Variants in EIPR1 observed in about 807,000 individuals in gnomAD.
EIPR1 encodes EARP complex and GARP complex interacting protein 1, also known as EARP and GARP complex-interacting protein 1.
In EIPR1, 25 loss-of-function variants were observed where a neutral mutation model predicts 48.1. That is an observed-to-expected ratio of 0.52 (90% confidence interval 0.38 to 0.73). The LOEUF (loss-of-function observed/expected upper bound fraction) is 0.73. EIPR1 is among the 30% of genes least tolerant of loss of function. The pLI is 0.00. For synonymous variants in EIPR1, 204 were observed against 201.9 expected (o/e 1.01, Z -0.09); for missense variants, 415 against 506.2 (o/e 0.82, Z 1.73).
intron 3 of EIPR1, among the ~76,000 whole-genome samples, chr2:3,300,333 C>T (rs1668728726): frequency 6.6e-6 from 1 of 152,226 alleles, no homozygotes; most frequent in Non-Finnish European, 1.5e-5. Flanking sequence ...ATATGAATGG[C>T]TGGCTTCTGG....
chr2:3,341,450 T>C (rs898474168), intron 2 of EIPR1, among the ~76,000 whole-genome samples: 1 of 151,722 alleles, frequency 6.6e-6, no homozygotes, highest in Non-Finnish European at 1.5e-5. Context: ...ATGGGTACAC[T>C]ATGCGTGTAT....
At chr2:3,213,915 T>C (rs1448054104) in intron 5 of EIPR1, among the ~76,000 whole-genome samples, 2 of 152,232 alleles carry the variant, frequency 1.3e-5, no homozygotes, top group East Asian at 3.8e-4. Flanking sequence ...ATTTGTTACA[T>C]ATGTATACAT....
rs537737647 is a variant in EIPR1 at position 3,365,953 on chromosome 2, G to A, written c.43-11320C>T. Among the ~76,000 whole-genome samples the A allele has an allele frequency of 2.6e-3, 114 of 43,114 alleles. 1 individual carries two copies. Among genetic ancestry groups the A allele is most frequent in the African/African-American group, 5.8e-3 (112 of 19,440 alleles). The allele number at this position is 43,114 out of a possible 152,430, so 28.3% of individuals were successfully genotyped here. A position where few individuals can be genotyped will look rare whatever the true frequency, so the allele number is the denominator to read the frequency against. Reference sequence around the variant, plus strand: ...CCCCGCCCGGCCAGCCGCCCAGTCCGGGAGGGAGGTGGGGGGGTCAGCCCC... The same window carrying A: ...CCCCGCCCGGCCAGCCGCCCAGTCCAGGAGGGAGGTGGGGGGGTCAGCCCC... On this transcript the variant is annotated intron_variant, in intron 1 of 8. Coordinates refer to ENST00000382125, the MANE Select transcript of EIPR1 (RefSeq NM_003310.5).
chr2:3,354,619 T>G lies in EIPR1; in HGVS notation c.57A>C (p.Thr19=). ...YGLEFQARAL[T]PQTAETDAIR... The stretch of plus-strand genomic sequence containing the variant: ...TGGCATCTGTTTCTGCAGTTTGAGG[T>G]GTTAAGGCACGTGCCTGCAGGAGGG... Residue 19 remains threonine, a synonymous_variant, in exon 2 of 9, where the codon ACA becomes ACC. Transcript: ENST00000382125. 6.2e-7 allele frequency: 1 copy of G among 1,614,080 alleles called. No homozygotes were observed. The highest frequency in any genetic ancestry group is 1.1e-5 in the South Asian group (1 of 91,078).
chr2:3,262,320 C>T (rs546128564), intron 3 of EIPR1, among the ~76,000 whole-genome samples: 11 of 152,296 alleles, frequency 7.2e-5, no homozygotes, highest in Admixed American at 3.3e-4. Flanking sequence ...ACAGTGACAA[C>T]GTAGGAGGAG....
intron 1 of EIPR1, among the ~76,000 whole-genome samples, chr2:3,365,843 C>G (rs944256910): frequency 7.9e-5 from 12 of 151,916 alleles, no homozygotes; most frequent in Non-Finnish European, 2.9e-5. Context: ...TTTCTTAGTA[C>G]AGAACAAAAT....
intron 5 of EIPR1, among the ~76,000 whole-genome samples, chr2:3,198,027 G>T (rs1267814992): frequency 6.6e-6 from 1 of 152,242 alleles, no homozygotes; most frequent in African/African-American, 2.4e-5. Flanking sequence ...GGCCAGGGCA[G>T]GTTGGGTACC....
At chr2:3,227,967 G>A (rs1314958789) in intron 4 of EIPR1, among the ~76,000 whole-genome samples, 2 of 152,404 alleles carry the variant, frequency 1.3e-5, no homozygotes, top group East Asian at 3.9e-4. Context: ...TGTCTAGGCA[G>A]AAGTCTGCTG....
intron 4 of EIPR1, among the ~76,000 whole-genome samples, chr2:3,240,004 T>G (rs1185379660): frequency 6.8e-6 from 1 of 147,162 alleles, no homozygotes; most frequent in Non-Finnish European, 1.5e-5. Flanking sequence ...GCCAGCAGAC[T>G]CTTCCTAAAG....
At chr2:3,333,554 C>T (rs1558304924) in intron 3 of EIPR1, among the ~76,000 whole-genome samples, 1 of 152,028 alleles carries the variant, frequency 6.6e-6, no homozygotes, top group Non-Finnish European at 1.5e-5. Flanking sequence ...CCTGGCAACA[C>T]AGTGAGACCT....
At chr2:3,242,507 C>T (rs1163883851) in intron 4 of EIPR1, among the ~76,000 whole-genome samples, 1 of 149,820 alleles carries the variant, frequency 6.7e-6, no homozygotes, top group Non-Finnish European at 1.5e-5. Context: ...TTCAGGCCTC[C>T]GACTCCACAC....
intron 3 of EIPR1, among the ~76,000 whole-genome samples, chr2:3,287,221 TCGTTC>T (rs1668214902): frequency 1.4e-5 from 1 of 71,686 alleles, no homozygotes; most frequent in Non-Finnish European, 3.2e-5. Context: ...TCCAGAAAGC[TCGTTC>T]ACCACAATCC....
intron 3 of EIPR1, among the ~76,000 whole-genome samples, chr2:3,325,591 G>T (rs1488925722): frequency 6.6e-6 from 1 of 152,086 alleles, no homozygotes; most frequent in Non-Finnish European, 1.5e-5. Flanking sequence ...TGTCTTCAGG[G>T]AGCCACACCA....
chr2:3,353,299 G>C (rs1385669514), intron 2 of EIPR1: 1 of 471,010 alleles, frequency 2.1e-6, no homozygotes, highest in Admixed American at 2.3e-5. Context: ...AGTCCTTTTT[G>C]GCCTATTTCC....
chr2:3,262,941 G>A (rs1667378725), intron 3 of EIPR1, among the ~76,000 whole-genome samples: 1 of 152,164 alleles, frequency 6.6e-6, no homozygotes. Context: ...GGACCAGAGG[G>A]CACCAGAAAA....
At chr2:3,336,799 AGAAAAGAAAAG>A (rs1270521034) in intron 3 of EIPR1, among the ~76,000 whole-genome samples, 5 of 150,930 alleles carry the variant, frequency 3.3e-5, no homozygotes, top group Non-Finnish European at 5.9e-5. Context: ...GGAAAGGAAA[AGAAAAGAAAAG>A]GAAAAGAAAA....
intron 3 of EIPR1, among the ~76,000 whole-genome samples, chr2:3,327,978 C>T (rs1163883338): frequency 6.6e-6 from 1 of 152,080 alleles, no homozygotes; most frequent in Non-Finnish European, 1.5e-5. Flanking sequence ...AACTCCTGGG[C>T]TCAAGCAATC....
intron 3 of EIPR1, among the ~76,000 whole-genome samples, chr2:3,330,973 C>T (rs1175699826): frequency 8.1e-6 from 1 of 123,014 alleles, no homozygotes; most frequent in Non-Finnish European, 1.7e-5. Context: ...CGCATGTACA[C>T]TCACGAGATG....
intron 3 of EIPR1, among the ~76,000 whole-genome samples, chr2:3,275,932 C>T (rs976019863): frequency 1.1e-4 from 17 of 152,174 alleles, no homozygotes; most frequent in African/African-American, 4.1e-4. Context: ...CCCACAACTG[C>T]TAATGGCAGA....
Sources: allele counts gnomAD v4.1 joint callset (sites outside exome capture counted in the v4.1 genomes callset), GRCh38; gene constraint gnomAD v4.1.1; transcripts MANE v1.5; gene names NCBI Gene and HGNC (gene_info 2026-07-23, HGNC 2026-07-21).